The following PRKCE variants were observed in gnomAD, a reference collection of about 807,000 sequenced individuals.
PRKCE encodes protein kinase C epsilon type.
A neutral mutation model predicts 85.4 loss-of-function variants in PRKCE; 16 were observed. That is an observed-to-expected ratio of 0.19 (90% CI 0.13 to 0.28). The LOEUF is 0.28. PRKCE is among the 10% of genes least tolerant of loss of function. The pLI, the probability that PRKCE is intolerant of heterozygous loss-of-function variation, is 1.00. For synonymous variants in PRKCE, 388 were observed against 371.5 expected (o/e 1.04, Z -0.51); for missense variants, 573 against 975.2 (o/e 0.59, Z 5.49).
At chr2:45,881,014 G>C (rs1253679163) in intron 2 of PRKCE, among the ~76,000 whole-genome samples, 2 of 151,386 alleles carry the variant, frequency 1.3e-5, no homozygotes, top group Non-Finnish European at 3.0e-5. Context: ...TTAGCTGGGC[G>C]TAGTGGCGGG....
At chr2:46,094,214 T>A (rs952376724) in intron 11 of PRKCE, among the ~76,000 whole-genome samples, 4 of 152,188 alleles carry the variant, frequency 2.6e-5, no homozygotes, top group Non-Finnish European at 4.4e-5. Flanking sequence ...CACTTCACTT[T>A]CATCCTAGGC....
At chr2:46,119,724 C>T (rs1673131931) in intron 11 of PRKCE, among the ~76,000 whole-genome samples, 2 of 152,170 alleles carry the variant, frequency 1.3e-5, no homozygotes, top group Admixed American at 6.5e-5. Flanking sequence ...GAGAAACACG[C>T]ATTGTTCCGG....
intron 2 of PRKCE, among the ~76,000 whole-genome samples, chr2:45,896,689 A>G (rs1358701943): frequency 6.6e-6 from 1 of 152,260 alleles, no homozygotes; most frequent in African/African-American, 2.4e-5. Flanking sequence ...AAACATATGC[A>G]GTTGGCAAAT....
intron 9 of PRKCE, among the ~76,000 whole-genome samples, chr2:46,008,698 A>G (rs1161667263): frequency 6.6e-6 from 1 of 152,196 alleles, no homozygotes; most frequent in Non-Finnish European, 1.5e-5. Context: ...GTTTACTTAA[A>G]TGGCAAAAGC....
chr2:45,658,232 C>T (rs1037747918), intron 1 of PRKCE, among the ~76,000 whole-genome samples: 1 of 152,150 alleles, frequency 6.6e-6, no homozygotes, highest in Non-Finnish European at 1.5e-5. Flanking sequence ...TCCCATAATA[C>T]CATGTAATCC....
At chr2:45,737,772 C>A (rs1169611018) in intron 1 of PRKCE, among the ~76,000 whole-genome samples, 1 of 152,164 alleles carries the variant, frequency 6.6e-6, no homozygotes, top group Non-Finnish European at 1.5e-5. Flanking sequence ...GGCCCTCCCT[C>A]ACCTCCACCT....
intron 2 of PRKCE, among the ~76,000 whole-genome samples, chr2:45,891,573 C>G (rs757449180): frequency 2.0e-5 from 3 of 152,188 alleles, no homozygotes; most frequent in Non-Finnish European, 4.4e-5. Context: ...AGGTGGGCCA[C>G]ACACCTAAAC....
intron 1 of PRKCE, among the ~76,000 whole-genome samples, chr2:45,827,454 T>C (rs1690041470): frequency 6.6e-6 from 1 of 152,202 alleles, no homozygotes; most frequent in African/African-American, 2.4e-5. Context: ...CTTGAGCATA[T>C]GTGAGTCTCA....
chr2:45,886,863 A>ATAG (rs1472090597), intron 2 of PRKCE, among the ~76,000 whole-genome samples: 2 of 152,238 alleles, frequency 1.3e-5, no homozygotes, highest in Non-Finnish European at 2.9e-5. Flanking sequence ...GCTAGTAATG[A>ATAG]TAGTAGTAGT....
At chr2:46,148,334 C>T (rs1052226569) in intron 12 of PRKCE, among the ~76,000 whole-genome samples, 3 of 152,240 alleles carry the variant, frequency 2.0e-5, no homozygotes, top group Non-Finnish European at 4.4e-5. Flanking sequence ...AATTAGGAAG[C>T]AGATAATTAG....
chr2:45,739,999 CAAAGTGTTAGATTCA>C (rs1682416888), intron 1 of PRKCE, among the ~76,000 whole-genome samples: 1 of 152,086 alleles, frequency 6.6e-6, no homozygotes, highest in Admixed American at 6.5e-5. Flanking sequence ...CAAGAAACCA[CAAAGTGTTAGATTCA>C]TTCAAGAATA....
chr2:46,091,920 T>C (rs948535274), intron 11 of PRKCE, among the ~76,000 whole-genome samples: 1 of 152,238 alleles, frequency 6.6e-6, no homozygotes, highest in Non-Finnish European at 1.5e-5. Flanking sequence ...AATCGAACTC[T>C]TTCTTTTTTG....
chr2:46,086,274 C>T lies in PRKCE; in HGVS notation c.1504C>T (p.Arg502Ter), dbSNP rs1669630716. Residue 502 changes from arginine (R) to a stop codon, truncating the protein, a stop_gained, in exon 11 of 15, where the codon CGA becomes TGA. Coordinates refer to ENST00000306156, the MANE Select transcript of PRKCE (RefSeq NM_005400.3). LOFTEE classifies it high-confidence loss of function. ...CCTCATGTTTCAGATTCAGCGCTCC[C>T]GAAAATTCGACGAGCCTCGTTCACG... ...GDLMFQIQRS[R>*]KFDEPRSRFY... 6.3e-7 allele frequency: 1 copy of T among 1,599,692 alleles called. No individual in the cohort carries two copies. The highest frequency in any genetic ancestry group is 8.5e-7 in the Non-Finnish European group (1 of 1,179,938).
At chr2:46,164,571 G>A (rs540968505) in intron 14 of PRKCE, among the ~76,000 whole-genome samples, 1 of 152,342 alleles carries the variant, frequency 6.6e-6, no homozygotes, top group South Asian at 2.1e-4. Context: ...TGGCCATACT[G>A]AATCTGGGTG....
chr2:45,999,076 C>T (rs1332154835), intron 6 of PRKCE, among the ~76,000 whole-genome samples: 3 of 152,100 alleles, frequency 2.0e-5, no homozygotes, highest in African/African-American at 7.2e-5. Flanking sequence ...CAGCACATTA[C>T]TAATATTATG....
intron 1 of PRKCE, among the ~76,000 whole-genome samples, chr2:45,787,739 G>T (rs1370338886): frequency 2.0e-5 from 3 of 152,198 alleles, no homozygotes; most frequent in African/African-American, 4.8e-5. Context: ...TTGGCTCAGG[G>T]TTCGCGATAC....
chr2:45,797,335 T>C (rs1435951474), intron 1 of PRKCE, among the ~76,000 whole-genome samples: 6 of 152,200 alleles, frequency 3.9e-5, no homozygotes, highest in Admixed American at 3.9e-4. Flanking sequence ...CATGTCCTTG[T>C]CCTTACTAGG....
At chr2:46,105,945 A>T (rs938910099) in intron 11 of PRKCE, among the ~76,000 whole-genome samples, 2 of 152,192 alleles carry the variant, frequency 1.3e-5, no homozygotes, top group African/African-American at 4.8e-5. Context: ...GATAAATTTT[A>T]ACTTTTTATG....
chr2:45,949,204 G>T (rs1356619432), intron 2 of PRKCE, among the ~76,000 whole-genome samples: 1 of 152,128 alleles, frequency 6.6e-6, no homozygotes, highest in East Asian at 1.9e-4. Flanking sequence ...TATCAACATG[G>T]TTACATTAGC....
Sources: gnomAD v4.1 joint callset for allele counts (sites outside exome capture counted in the v4.1 genomes callset) on GRCh38, gnomAD v4.1.1 for gene constraint, MANE v1.5 for transcripts, NCBI Gene and HGNC (gene_info 2026-07-23, HGNC 2026-07-21) for gene names.